Variants in SNX13 observed in about 807,000 individuals in gnomAD.
SNX13 encodes sorting nexin-13.
A neutral mutation model predicts 133.6 loss-of-function variants in SNX13; 45 were observed. That is an observed-to-expected ratio of 0.34 (90% CI 0.27 to 0.43). The LOEUF (loss-of-function observed/expected upper bound fraction) is 0.43, where lower values mean the gene tolerates loss of function less well. SNX13 is among the 20% of genes least tolerant of loss of function. The pLI, the probability that SNX13 is intolerant of heterozygous loss-of-function variation, is 1.00. For missense variants in SNX13, 1,032 were observed against 1,145.1 expected (o/e 0.90, Z 1.43); for synonymous variants, 414 against 373.9 (o/e 1.11, Z -1.24).
rs1562657537 is a variant in SNX13 at position 17,803,430 on chromosome 7, A to G, written c.2215T>C (p.Ser739Pro). The change falls in exon 21 of 26, where the codon TCA becomes CCA. Residue 739 changes from serine to proline, a missense_variant. Ser to Pro is a moderately conservative substitution (Grantham distance 74, BLOSUM62 -1). Transcript: ENST00000428135. The stretch of plus-strand genomic sequence containing the variant: ...AAATGTCTTCTTACCTTAAAAAATG[A>G]TTGCTTTATGTCTTGACCTAATCTT... ...SERLGQDIKQ[S>P]FFKVPPLIPK... is the part of the protein sequence containing the mutation. 6.2e-7 allele frequency: 1 copy of G among 1,605,876 alleles called. No homozygotes were observed. Among genetic ancestry groups the G allele is most frequent in the Admixed American group, 1.7e-5 (1 of 58,262 alleles).
chr7:17,891,824 A>C (rs755031711), intron 3 of SNX13, among the ~76,000 whole-genome samples, 189 bp from the exon 4 acceptor site: 4 of 152,110 alleles, frequency 2.6e-5, no homozygotes, highest in Non-Finnish European at 4.4e-5. Flanking sequence ...TCCCAAAAAA[A>C]TGATTATCCT....
intron 17 of SNX13, among the ~76,000 whole-genome samples, chr7:17,822,977 T>C (rs1787473064): frequency 1.3e-5 from 2 of 152,190 alleles, no homozygotes; most frequent in South Asian, 4.1e-4. Context: ...CTACTGATGG[T>C]AGGCTGTTTT....
intron 1 of SNX13, among the ~76,000 whole-genome samples, chr7:17,902,481 A>C (rs1405643299): frequency 1.3e-5 from 2 of 152,182 alleles, no homozygotes; most frequent in Admixed American, 6.5e-5. Context: ...GTGTTCTCAT[A>C]TGTATAACTG....
At chr7:17,863,626 A>C (rs749189540) in intron 9 of SNX13, among the ~76,000 whole-genome samples, 5 of 152,198 alleles carry the variant, frequency 3.3e-5, no homozygotes, top group Admixed American at 6.5e-5. Context: ...CAGAATTCAC[A>C]ATCTGCTGAC....
intron 5 of SNX13, among the ~76,000 whole-genome samples, chr7:17,883,839 G>A (rs1795659941): frequency 6.6e-6 from 1 of 152,118 alleles, no homozygotes; most frequent in Non-Finnish European, 1.5e-5. Flanking sequence ...CTGTTCTTGT[G>A]TTAGTTTGCT....
At chr7:17,888,354 GA>G (rs924094118) in intron 5 of SNX13, 3 of 185,372 alleles carry the variant, frequency 1.6e-5, no homozygotes, top group East Asian at 1.6e-4. Context: ...GTTTTCAAAA[GA>G]AAAAAAAACT....
intron 2 of SNX13, among the ~76,000 whole-genome samples, chr7:17,893,643 T>C (rs1796879132): frequency 6.6e-6 from 1 of 152,300 alleles, no homozygotes; most frequent in East Asian, 1.9e-4. Context: ...TATACAATAA[T>C]ACTTTTTAAA....
chr7:17,887,250 C>A (rs565942190), intron 5 of SNX13, among the ~76,000 whole-genome samples: 2 of 152,146 alleles, frequency 1.3e-5, no homozygotes, highest in African/African-American at 4.8e-5. Flanking sequence ...TAAAAATTTT[C>A]TTTTCGATAC....
intron 1 of SNX13, among the ~76,000 whole-genome samples, chr7:17,936,764 T>G (rs1802079252): frequency 6.6e-6 from 1 of 151,572 alleles, no homozygotes; most frequent in Non-Finnish European, 1.5e-5. Flanking sequence ...TTAAAACAAA[T>G]TCTCAGGTAA....
intron 1 of SNX13, among the ~76,000 whole-genome samples, chr7:17,910,604 CAT>C (rs1562509968): frequency 6.6e-6 from 1 of 152,122 alleles, no homozygotes; most frequent in East Asian, 1.9e-4. Context: ...CAAACAGAAA[CAT>C]GTACACACAT....
intron 22 of SNX13, among the ~76,000 whole-genome samples, chr7:17,801,232 C>T (rs1784612218): frequency 6.6e-6 from 1 of 151,292 alleles, no homozygotes; most frequent in Admixed American, 6.6e-5. Flanking sequence ...TACAAAACCA[C>T]ATGGAAGAAC....
intron 3 of SNX13, 77 bp downstream of exon 3, chr7:17,893,255 T>C: frequency 1.0e-6 from 1 of 963,184 alleles, no homozygotes; most frequent in Middle Eastern, 2.1e-4. Flanking sequence ...TTTGTCACGC[T>C]ATATATACAG....
intron 11 of SNX13, 137 bp from the exon 12 acceptor site, chr7:17,845,831 C>A: frequency 1.8e-6 from 1 of 553,902 alleles, no homozygotes; most frequent in Non-Finnish European, 3.2e-6. Context: ...ATGTTGTTTC[C>A]CAATAGATAT....
intron 1 of SNX13, among the ~76,000 whole-genome samples, chr7:17,904,733 GA>G (rs1247980273): frequency 6.6e-6 from 1 of 152,154 alleles, no homozygotes; most frequent in Non-Finnish European, 1.5e-5. Context: ...TTGAGTCACA[GA>G]AATTATATAT....
intron 8 of SNX13, 119 bp downstream of exon 8, chr7:17,873,409 A>C (rs1410942678): frequency 2.2e-6 from 1 of 456,424 alleles, no homozygotes; most frequent in East Asian, 3.6e-5. Context: ...CACATAAACA[A>C]AAGCTCTTTG....
At chr7:17,905,734 C>T (rs190582341) in intron 1 of SNX13, among the ~76,000 whole-genome samples, 351 of 152,314 alleles carry the variant, frequency 2.3e-3, no homozygotes, top group African/African-American at 6.4e-3. Context: ...ACTCTTGATT[C>T]AACAGGAGAA....
At chr7:17,930,462 T>C (rs1554279718) in intron 1 of SNX13, among the ~76,000 whole-genome samples, 1 of 152,208 alleles carries the variant, frequency 6.6e-6, no homozygotes, top group Non-Finnish European at 1.5e-5. Flanking sequence ...TGAATCCTAG[T>C]ATAAAGATAA....
intron 1 of SNX13, among the ~76,000 whole-genome samples, chr7:17,936,983 G>C (rs1037377036): frequency 4.0e-4 from 56 of 141,114 alleles, no homozygotes; most frequent in African/African-American, 1.4e-3. Flanking sequence ...GACAACAGAA[G>C]GGGAAAAAAA....
chr7:17,915,605 G>A (rs964934670), intron 1 of SNX13, among the ~76,000 whole-genome samples: 1 of 132,936 alleles, frequency 7.5e-6, no homozygotes, highest in African/African-American at 3.1e-5. Flanking sequence ...CCTTGGAGGT[G>A]TGTCTCTGTC....
Sources: allele counts gnomAD v4.1 joint callset (sites outside exome capture counted in the v4.1 genomes callset), GRCh38; gene constraint gnomAD v4.1.1; transcripts MANE v1.5; gene names NCBI Gene and HGNC (gene_info 2026-07-23, HGNC 2026-07-21).